The following KCMF1 variants were observed in gnomAD, a reference collection of about 807,000 sequenced individuals.
KCMF1 encodes potassium channel modulatory factor 1.
KCMF1 carries 3 observed loss-of-function variants against 41.1 expected under a neutral mutation model. The ratio of observed to expected loss-of-function variants is 0.07; its 90% CI spans 0.03 to 0.19. KCMF1 has a LOEUF of 0.19. Among genes scored for constraint, KCMF1 ranks in the 10% least tolerant of loss-of-function variants. KCMF1 has a pLI of 1.00. For missense variants in KCMF1, 286 were observed against 488.9 expected (o/e 0.58, Z 3.91); for synonymous variants, 142 against 164.5 (o/e 0.86, Z 1.04).
chr2:85,025,439 T>C (rs1451353016), intron 1 of KCMF1, among the ~76,000 whole-genome samples: 1 of 152,168 alleles, frequency 6.6e-6, no homozygotes, highest in Non-Finnish European at 1.5e-5. Context: ...TTCACATTCT[T>C]GGAACCATCA....
In KCMF1 at chr2:85,014,809, A is replaced by G. The variant is rs561484580; in HGVS notation, c.17-13080A>G. 7.3e-5 allele frequency among the ~76,000 whole-genome samples: 11 copies of G among 151,334 alleles called. No individual in the cohort carries two copies. In the South Asian group the frequency reaches 2.3e-3, roughly 32 times the overall value. On this transcript the variant is annotated intron_variant, in intron 1 of 6. Coordinates refer to ENST00000409785, the MANE Select transcript of KCMF1 (RefSeq NM_020122.5). The stretch of plus-strand genomic sequence containing the variant: ...GGCTGGTCTCAAACTCCTGGGCTCA[A>G]GCAGTCCTCCTGCCTCAGCCTCCCA...
At chr2:85,016,029 A>G (rs182483960) in intron 1 of KCMF1, among the ~76,000 whole-genome samples, 13 of 152,362 alleles carry the variant, frequency 8.5e-5, no homozygotes, top group African/African-American at 2.9e-4. Flanking sequence ...CTACCTGGAA[A>G]AAAAAAGTAG....
In KCMF1 at chr2:84,985,071, GATT is replaced by G. The variant is rs1184199275; in HGVS notation, c.16+13605_16+13607del. 4.6e-5 allele frequency among the ~76,000 whole-genome samples: 7 copies of G among 151,730 alleles called. No individual in the cohort carries two copies. In the South Asian group the frequency reaches 6.3e-4, roughly 14 times the overall value. On this transcript the variant is annotated intron_variant, in intron 1 of 6. Coordinates refer to ENST00000409785, the MANE Select transcript of KCMF1 (RefSeq NM_020122.5). ...GGAAAAGCCATAGTTAAATGAGAGA[GATT>G]TAAAGGAAAAAAAAATACGACTGAG...
intron 1 of KCMF1, among the ~76,000 whole-genome samples, chr2:84,983,527 G>A (rs976610652): frequency 6.6e-6 from 1 of 151,952 alleles, no homozygotes; most frequent in Admixed American, 6.6e-5. Context: ...GTTTGTTTGA[G>A]ATAGAATTTC....
At chr2:85,042,544 ACCT>A (rs1675563816) in intron 3 of KCMF1, among the ~76,000 whole-genome samples, 1 of 152,110 alleles carries the variant, frequency 6.6e-6, no homozygotes. Context: ...CCTATCTTTA[ACCT>A]TCTTATTTAT....
At chr2:85,042,781 C>T (rs1207131542) in intron 3 of KCMF1, among the ~76,000 whole-genome samples, 2 of 151,696 alleles carry the variant, frequency 1.3e-5, no homozygotes, top group South Asian at 2.1e-4. Context: ...TAGCCTTCCC[C>T]TCTCCTTCCC....
intron 5 of KCMF1, 78 bp from the exon 6 acceptor site, chr2:85,049,288 C>A: frequency 7.1e-7 from 1 of 1,405,874 alleles, no homozygotes; most frequent in Admixed American, 1.8e-5. Context: ...TGATGTTGTT[C>A]CAGTAAAAGA....
intron 1 of KCMF1, among the ~76,000 whole-genome samples, chr2:85,021,186 G>T (rs1362029909): frequency 3.9e-5 from 6 of 152,172 alleles, no homozygotes; most frequent in Non-Finnish European, 8.8e-5. Context: ...TTGCTGCCAT[G>T]ATGCCATCAT....
chr2:85,005,168 A>G (rs188310737), intron 1 of KCMF1, among the ~76,000 whole-genome samples: 13 of 152,254 alleles, frequency 8.5e-5, no homozygotes, highest in Non-Finnish European at 1.9e-4. Context: ...CAGCCTCCCA[A>G]AGTGCTGGCA....
At chr2:84,989,728 A>G (rs775540829) in intron 1 of KCMF1, among the ~76,000 whole-genome samples, 5 of 152,164 alleles carry the variant, frequency 3.3e-5, no homozygotes, top group African/African-American at 1.2e-4. Context: ...ATGCATATAG[A>G]GGACAGAGAA....
At position 84,990,526 on chromosome 2, in the gene KCMF1, A is replaced by G. The variant is rs187836092; in HGVS notation, c.16+19059A>G. The stretch of plus-strand genomic sequence containing the variant: ...GAAGAAAATAAAGTAGAGTGAGAGA[A>G]TAAGGATTGCAGTGACTCACTCCTG... On this transcript the variant is annotated intron_variant, in intron 1 of 6. Coordinates refer to ENST00000409785, the MANE Select transcript of KCMF1 (RefSeq NM_020122.5). Among the ~76,000 whole-genome samples, 108 of 152,230 alleles carry G rather than the reference A, an allele frequency of 7.1e-4. 1 individual carries two copies. Among genetic ancestry groups the G allele is most frequent in the Admixed American group, 2.2e-3 (34 of 15,280 alleles).
rs1462988097 is a variant in KCMF1 at position 85,055,706 on chromosome 2, C to A, written c.*2297C>A. ...AAAATATATTCAAGCCCTTGAAATT[C>A]TTGTGTCCTTTTTCTTTAGTTTCTG... On this transcript the variant is annotated 3_prime_UTR_variant, in exon 7 of 7. Transcript: ENST00000409785. 6.6e-6 allele frequency: 1 copy of A among 152,108 alleles called. No individual in the cohort carries two copies. The highest frequency in any genetic ancestry group is 1.5e-5 in the Non-Finnish European group (1 of 67,988). The allele number at this position is 152,108 out of a possible 1,614,324, so 9.4% of individuals were successfully genotyped here.
chr2:85,014,724 C>CGTGTGT (rs72066261), intron 1 of KCMF1, among the ~76,000 whole-genome samples: 47 of 138,302 alleles, frequency 3.4e-4, no homozygotes, highest in Non-Finnish European at 6.0e-4. Context: ...TGCGTGCGTG[C>CGTGTGT]GTGTGTGTGT....
chr2:85,018,866 G>A (rs183324925), intron 1 of KCMF1, among the ~76,000 whole-genome samples: 172 of 138,950 alleles, frequency 1.2e-3, no homozygotes, highest in African/African-American at 4.3e-3. Flanking sequence ...GTGCAGTGGC[G>A]TGATCTTGGC....
At chr2:85,052,703 T>G (rs1675835974) in intron 6 of KCMF1, among the ~76,000 whole-genome samples, 3 of 152,226 alleles carry the variant, frequency 2.0e-5, no homozygotes, top group Admixed American at 1.3e-4. Flanking sequence ...TAGAGAAAAG[T>G]CAGAGGAAAT....
intron 3 of KCMF1, among the ~76,000 whole-genome samples, chr2:85,037,987 T>A (rs991753480): frequency 4.6e-5 from 7 of 152,272 alleles, no homozygotes; most frequent in African/African-American, 1.7e-4. Flanking sequence ...TCAGTGTAGC[T>A]AAATTATATT....
intron 1 of KCMF1, among the ~76,000 whole-genome samples, chr2:85,009,906 C>T (rs967917653): frequency 2.0e-5 from 3 of 152,138 alleles, no homozygotes; most frequent in Non-Finnish European, 2.9e-5. Flanking sequence ...CAGTTCTTCA[C>T]CCTAACTAGG....
At chr2:84,982,117 TAGAAA>T in intron 1 of KCMF1, among the ~76,000 whole-genome samples, 1 of 152,184 alleles carries the variant, frequency 6.6e-6, no homozygotes. Flanking sequence ...TTTTGATACT[TAGAAA>T]AGAGCTAAAG....
chr2:85,053,508 C>A lies in KCMF1; in HGVS notation c.*99C>A. On this transcript the variant is annotated 3_prime_UTR_variant, in exon 7 of 7. Transcript: ENST00000409785. The stretch of plus-strand genomic sequence containing the variant: ...TTGTTTGGTGATTGTAATTTCAGGT[C>A]TGTCACTCTTGTTACATTGTGTACA... 1 of 1,200,612 alleles carries A rather than the reference C, an allele frequency of 8.3e-7. No individual in the cohort carries two copies. The highest frequency in any genetic ancestry group is 1.2e-6 in the Non-Finnish European group (1 of 864,780). 74.4% of individuals were successfully genotyped at this position (1,200,612 alleles called of 1,614,324 possible).
Sources: gnomAD v4.1 joint callset for allele counts (sites outside exome capture counted in the v4.1 genomes callset) on GRCh38, gnomAD v4.1.1 for gene constraint, MANE v1.5 for transcripts, NCBI Gene and HGNC (gene_info 2026-07-23, HGNC 2026-07-21) for gene names.